EYS: variants seen among roughly 807,000 people sequenced by gnomAD.
EYS encodes EGF-like photoreceptor maintenance factor.
EYS carries 250 observed loss-of-function variants against 282.1 expected under a neutral mutation model. The ratio of observed to expected loss-of-function variants is 0.89; its 90% CI spans 0.80 to 0.98. The LOEUF (loss-of-function observed/expected upper bound fraction) is 0.98. Among genes scored for constraint, EYS ranks in the 50% least tolerant of loss-of-function variants. The pLI is 0.00. For missense variants in EYS, 4,016 were observed against 3,709.0 expected, an observed-to-expected ratio of 1.08 and a Z score of -2.15; for synonymous variants, 1,355 against 1,282.9, an observed-to-expected ratio of 1.06 and a Z score of -1.20.
At chr6:64,027,341 A>G (rs1194517297) in intron 33 of EYS, among the ~76,000 whole-genome samples, 3 of 152,168 alleles carry the variant, frequency 2.0e-5, no homozygotes, top group African/African-American at 4.8e-5. Flanking sequence ...TTAAGAAAAT[A>G]TACTCCCCTG....
At chr6:64,858,536 G>T (rs1766139803) in intron 19 of EYS, among the ~76,000 whole-genome samples, 1 of 152,008 alleles carries the variant, frequency 6.6e-6, no homozygotes, top group South Asian at 2.1e-4. Flanking sequence ...AAACGTAATG[G>T]TGTCAGTTTT....
intron 22 of EYS, among the ~76,000 whole-genome samples, chr6:64,752,320 A>T (rs191578990): frequency 6.6e-6 from 1 of 152,270 alleles, no homozygotes; most frequent in East Asian, 1.9e-4. Context: ...AAATAAACAA[A>T]CATAACTTTT....
At chr6:64,765,661 G>C (rs1773301350) in intron 22 of EYS, among the ~76,000 whole-genome samples, 1 of 152,156 alleles carries the variant, frequency 6.6e-6, no homozygotes, top group African/African-American at 2.4e-5. Flanking sequence ...TATGCTACAA[G>C]GCAAAGGTGA....
intron 12 of EYS, among the ~76,000 whole-genome samples, chr6:65,100,409 C>A (rs1453279100): frequency 6.7e-6 from 1 of 150,366 alleles, no homozygotes; most frequent in Non-Finnish European, 1.5e-5. Flanking sequence ...AAGATGAATG[C>A]ACATTTTAAA....
At chr6:64,948,634 T>C (rs971144428) in intron 14 of EYS, among the ~76,000 whole-genome samples, 7 of 147,718 alleles carry the variant, frequency 4.7e-5, no homozygotes, top group Non-Finnish European at 9.0e-5. Flanking sequence ...ATACTAGTAT[T>C]AAATAGTATT....
intron 22 of EYS, among the ~76,000 whole-genome samples, chr6:64,635,850 G>T (rs149574317): frequency 1.5e-3 from 224 of 152,280 alleles, no homozygotes; most frequent in African/African-American, 5.1e-3. Context: ...AATGAGTTAG[G>T]GAGGATTCCC....
In EYS at chr6:63,905,423, A is replaced by G. The variant is rs548897203; in HGVS notation, c.7056-41065T>C. Among the ~76,000 whole-genome samples the G allele has an allele frequency of 8.6e-4, 120 of 140,340 alleles. 3 individuals carry two copies. The South Asian group carries it at 0.026, about 30-fold the overall frequency. The allele number at this position is 140,340 out of a possible 152,430, so 92.1% of individuals were successfully genotyped here. Reference sequence around the variant, plus strand: ...CGGCTCGCTGCAAGCTCTGCCTCCCAGGTTCACGCCATTCTCCTGCCTCAG... The same window carrying G: ...CGGCTCGCTGCAAGCTCTGCCTCCCGGGTTCACGCCATTCTCCTGCCTCAG... On this transcript the variant is annotated intron_variant, in intron 35 of 42. Coordinates refer to ENST00000503581, the MANE Select transcript of EYS (RefSeq NM_001142800.2).
chr6:65,575,159 A>T (rs986343379), intron 2 of EYS, among the ~76,000 whole-genome samples: 1 of 151,828 alleles, frequency 6.6e-6, no homozygotes, highest in Non-Finnish European at 1.5e-5. Flanking sequence ...CATCTCTGCT[A>T]AAAATACAAA....
intron 11 of EYS, among the ~76,000 whole-genome samples, chr6:65,324,485 G>A (rs991613523): frequency 2.0e-5 from 3 of 152,162 alleles, no homozygotes; most frequent in Non-Finnish European, 2.9e-5. Context: ...AAACACCGGT[G>A]ATATTGTAAA....
chr6:64,779,792 G>A (rs903087636), intron 22 of EYS, among the ~76,000 whole-genome samples: 1 of 152,060 alleles, frequency 6.6e-6, no homozygotes, highest in Non-Finnish European at 1.5e-5. Flanking sequence ...AACTAAAACT[G>A]CTCAAAAACA....
intron 11 of EYS, among the ~76,000 whole-genome samples, chr6:65,309,893 A>G (rs1384493648): frequency 6.6e-6 from 1 of 152,184 alleles, no homozygotes; most frequent in Non-Finnish European, 1.5e-5. Context: ...TATTGCCTAG[A>G]CAATTGGCCT....
At position 65,405,338 on chromosome 6, in the gene EYS, A is replaced by C. The variant is rs375850148; in HGVS notation, c.892T>G (p.Cys298Gly). The C allele has an allele frequency of 3.1e-6, 5 of 1,612,930 alleles. No individual in the cohort carries two copies. The African/African-American group carries it at 5.3e-5, about 17-fold the overall frequency. Residue 298 changes from cysteine to glycine, a missense_variant, in exon 6 of 43, where the codon TGT (cysteine) becomes GGT (glycine). By Grantham distance (159) the Cys-to-Gly change is radical. Transcript: ENST00000503581. The part of the protein sequence containing the change: ...GPFCEVSAKP[C>G]VSLLFWKRGI... ...CTTTTCCAAAAAAGCAGAGAAACAC[A>C]AGGTTTTGCTGACACCTCACAGAAT...
At chr6:65,315,492 AC>A (rs1582133117) in intron 11 of EYS, among the ~76,000 whole-genome samples, 1 of 152,100 alleles carries the variant, frequency 6.6e-6, no homozygotes, top group East Asian at 1.9e-4. Context: ...TCATTCTAAC[AC>A]TGGAGTTCAG....
chr6:63,726,313 G>T (rs1259900209), intron 42 of EYS, among the ~76,000 whole-genome samples: 4 of 152,030 alleles, frequency 2.6e-5, no homozygotes, highest in Admixed American at 1.3e-4. Flanking sequence ...TTTAGATTTT[G>T]CAAACTTTAA....
intron 8 of EYS, among the ~76,000 whole-genome samples, chr6:65,380,283 A>G (rs1434521043): frequency 6.6e-6 from 1 of 152,124 alleles, no homozygotes; most frequent in African/African-American, 2.4e-5. Context: ...ATATAGACCA[A>G]TGGAACACAA....
intron 15 of EYS, among the ~76,000 whole-genome samples, chr6:64,945,320 T>G (rs1178190056): frequency 1.3e-5 from 2 of 151,986 alleles, no homozygotes; most frequent in Non-Finnish European, 2.9e-5. Flanking sequence ...AAGAACTAAT[T>G]AATACAATTG....
chr6:63,972,475 C>T (rs1043186919), intron 35 of EYS, among the ~76,000 whole-genome samples: 3 of 152,090 alleles, frequency 2.0e-5, no homozygotes, highest in African/African-American at 7.2e-5. Flanking sequence ...TATATGTAGC[C>T]TAGTCCTTAT....
intron 31 of EYS, among the ~76,000 whole-genome samples, chr6:64,185,731 A>G (rs1333926581): frequency 6.6e-6 from 1 of 152,144 alleles, no homozygotes; most frequent in African/African-American, 2.4e-5. Flanking sequence ...TCAAAGCTTG[A>G]GAGACTTTAT....
chr6:64,284,633 G>T (rs977123606), intron 30 of EYS, among the ~76,000 whole-genome samples: 5 of 152,144 alleles, frequency 3.3e-5, no homozygotes, highest in Admixed American at 3.3e-4. Flanking sequence ...AGAGGTTCTC[G>T]ATGAGAGCCC....
Sources: gnomAD v4.1 joint callset for allele counts (sites outside exome capture counted in the v4.1 genomes callset) on GRCh38, gnomAD v4.1.1 for gene constraint, MANE v1.5 for transcripts, NCBI Gene and HGNC (gene_info 2026-07-23, HGNC 2026-07-21) for gene names.